CES5A: variants seen among roughly 807,000 people sequenced by gnomAD.
The protein encoded by CES5A is carboxylesterase 5.
CES5A carries 67 observed loss-of-function variants against 62.9 expected under a neutral mutation model. The observed-to-expected ratio is 1.07, with a 90% CI of 0.88 to 1.31. The LOEUF (loss-of-function observed/expected upper bound fraction) is 1.31. Ranked by LOEUF, CES5A falls within the 50% of genes most tolerant of loss-of-function variation. CES5A has a pLI of 0.00. For missense variants in CES5A, 748 were observed against 708.5 expected (o/e 1.06, Z -0.63); for synonymous variants, 296 against 280.8 (o/e 1.05, Z -0.54).
Position 55,852,936 on chromosome 16 carries a change from C to A in CES5A, c.1218G>T (p.Leu406Phe). ...LTEIRDSLLD[L>F]LGDVFFVVPA... Reference sequence around the variant, plus strand: ...GGACCACAAAGAACACATCTCCAAGCAAGTCCAGAAGACTGTCTCGGATTT... The same window carrying A: ...GGACCACAAAGAACACATCTCCAAGAAAGTCCAGAAGACTGTCTCGGATTT... Residue 406 changes from leucine to phenylalanine, a missense_variant, in exon 10 of 13, where the codon TTG becomes TTT. Leu to Phe is a conservative substitution (Grantham distance 22). Transcript: ENST00000290567. 6.2e-7 allele frequency: 1 copy of A among 1,614,142 alleles called. No homozygotes were observed. Among genetic ancestry groups the A allele is most frequent in the Non-Finnish European group, 8.5e-7 (1 of 1,180,006 alleles).
At chr16:55,870,977 C>T (rs1480961172) in intron 3 of CES5A, among the ~76,000 whole-genome samples, 5 of 152,170 alleles carry the variant, frequency 3.3e-5, no homozygotes, top group Admixed American at 6.5e-5. Flanking sequence ...TCCTGTGCCT[C>T]GTCTTCTCCA....
At chr16:55,868,183 A>G (rs1465241844) in intron 4 of CES5A, among the ~76,000 whole-genome samples, 1 of 152,192 alleles carries the variant, frequency 6.6e-6, no homozygotes, top group African/African-American at 2.4e-5. Flanking sequence ...TACGATAAGC[A>G]ATTATTGAAA....
At chr16:55,896,505 GA>G (rs1262118081) in intron 1 of CES5A, among the ~76,000 whole-genome samples, 2 of 152,204 alleles carry the variant, frequency 1.3e-5, no homozygotes, top group Non-Finnish European at 2.9e-5. Flanking sequence ...GCAGAATCAT[GA>G]GCCAAATAAA....
At position 55,866,067 on chromosome 16, in the gene CES5A, C is replaced by T. The variant is rs773366794; in HGVS notation, c.601G>A (p.Ala201Thr). ...PGNWAFKDQV[A>T]ALSWVQKNIE... is the part of the protein sequence containing the mutation. ...TTCTTCTGGACCCAGGACAGAGCAG[C>T]CACCTGGTCCTTGAAGGCCCAGTTC... Residue 201 changes from alanine (A) to threonine (T), a missense_variant, in exon 5 of 13, where the codon GCT (alanine) becomes ACT (threonine). Transcript: ENST00000290567. The T allele has an allele frequency of 1.2e-6, 2 of 1,613,978 alleles. No individual in the cohort carries two copies. The highest frequency in any genetic ancestry group is 3.3e-5 in the Admixed American group (2 of 59,996).
intron 1 of CES5A, among the ~76,000 whole-genome samples, chr16:55,893,939 A>G (rs951270242): frequency 2.6e-5 from 4 of 152,174 alleles, no homozygotes; most frequent in Admixed American, 1.3e-4. Context: ...GTATATTATA[A>G]TAAAATGCTA....
chr16:55,896,823 C>T (rs975052150), intron 1 of CES5A, among the ~76,000 whole-genome samples: 12 of 152,206 alleles, frequency 7.9e-5, no homozygotes, highest in Admixed American at 3.9e-4. Flanking sequence ...TTAAATATCA[C>T]AAAACTGCTT....
chr16:55,864,567 GA>G (rs1283838286), intron 5 of CES5A, among the ~76,000 whole-genome samples: 7 of 151,818 alleles, frequency 4.6e-5, no homozygotes, highest in Middle Eastern at 3.2e-3. Flanking sequence ...ATTATGTCTG[GA>G]AAAAAAATTC....
chr16:55,953,638 C>G (rs1260599165), intron 1 of CES5A, among the ~76,000 whole-genome samples: 2 of 152,040 alleles, frequency 1.3e-5, no homozygotes, highest in South Asian at 2.1e-4. Flanking sequence ...GAAGGGAAAC[C>G]TGGTTGTGAT....
At chr16:55,885,908 G>A (rs73553878) in intron 1 of CES5A, among the ~76,000 whole-genome samples, 1,740 of 152,282 alleles carry the variant, frequency 0.011, 31 homozygotes, top group African/African-American at 0.04. Flanking sequence ...AAGCACATTT[G>A]GTACATTAGA....
chr16:55,943,002 G>A (rs1346550501), intron 2 of CES5A, among the ~76,000 whole-genome samples: 1 of 152,136 alleles, frequency 6.6e-6, no homozygotes, highest in Non-Finnish European at 1.5e-5. Flanking sequence ...GGTTGCCTGC[G>A]GGCTTGGAAG....
In CES5A at chr16:55,863,336, CAG is replaced by C. The variant is rs1388617205; in HGVS notation, c.810+10_810+11del. 14 of 1,340,950 alleles carry C rather than the reference CAG, an allele frequency of 1.0e-5. No individual in the cohort carries two copies. The highest frequency in any genetic ancestry group is 1.4e-5 in the African/African-American group (1 of 69,390). The allele number at this position is 1,340,950 out of a possible 1,614,324, so 83.1% of individuals were successfully genotyped here. ...GGAGAGGAAGGTGGCAAGGTGTTAACAGTATACGTACGTCCTCACTCTTCTCA... is the reference window on the plus strand; with the variant it reads ...GGAGAGGAAGGTGGCAAGGTGTTAACTATACGTACGTCCTCACTCTTCTCA... On this transcript the variant is annotated intron_variant, in intron 6 of 12. Transcript: ENST00000290567.
chr16:55,902,104 A>C (rs12325081), intron 1 of CES5A, among the ~76,000 whole-genome samples: 38,280 of 152,112 alleles, frequency 0.25, 6,270 homozygotes, highest in Non-Finnish European at 0.37. Flanking sequence ...CTTCTGCCGA[A>C]AGCCACCAAA....
chr16:55,850,783 C>G (rs528427779), intron 10 of CES5A, among the ~76,000 whole-genome samples: 62 of 152,218 alleles, frequency 4.1e-4, no homozygotes, highest in African/African-American at 1.3e-3. Flanking sequence ...CTACGTTTAC[C>G]TTTTTGAGGA....
At chr16:55,909,683 A>G (rs986005635) in intron 1 of CES5A, among the ~76,000 whole-genome samples, 1 of 152,160 alleles carries the variant, frequency 6.6e-6, no homozygotes, top group African/African-American at 2.4e-5. Flanking sequence ...GCTAAAGTGA[A>G]TGGCCCACAG....
At chr16:55,862,097 C>T (rs1158144469) in intron 6 of CES5A, among the ~76,000 whole-genome samples, 4 of 152,162 alleles carry the variant, frequency 2.6e-5, no homozygotes, top group African/African-American at 9.7e-5. Flanking sequence ...CCACGATGTC[C>T]TTTCAGGGCA....
intron 5 of CES5A, among the ~76,000 whole-genome samples, chr16:55,863,959 G>A (rs1567329230): frequency 6.6e-6 from 1 of 152,010 alleles, no homozygotes; most frequent in Non-Finnish European, 1.5e-5. Context: ...ATTTCACCAT[G>A]TTGGCCAGGA....
At chr16:55,950,522 G>C (rs1487455242) in intron 1 of CES5A, among the ~76,000 whole-genome samples, 1 of 152,020 alleles carries the variant, frequency 6.6e-6, no homozygotes, top group East Asian at 1.9e-4. Context: ...AAGAGAAAAT[G>C]ACTGAACTGG....
chr16:55,942,468 C>G (rs1391064664), intron 2 of CES5A, among the ~76,000 whole-genome samples: 1 of 152,328 alleles, frequency 6.6e-6, no homozygotes, highest in Non-Finnish European at 1.5e-5. Context: ...TGGTATTTAA[C>G]ATCAATGCAA....
In CES5A at chr16:55,921,064, C is replaced by T. The variant is rs118188069; in HGVS notation, c.-256+4259G>A. Among the ~76,000 whole-genome samples the T allele has an allele frequency of 2.4e-4, 36 of 152,116 alleles. No homozygotes were observed. The East Asian group carries it at 6.9e-3, about 29-fold the overall frequency. On this transcript the variant is annotated intron_variant, in intron 1 of 12. Coordinates refer to the CES5A transcript ENST00000518005. ...GCTTGAAGATAGGCTTTTGAAAATACACACTCAGAGAAGAAAAAAAGAATG... is the reference window on the plus strand; with the variant it reads ...GCTTGAAGATAGGCTTTTGAAAATATACACTCAGAGAAGAAAAAAAGAATG...
Sources: allele counts gnomAD v4.1 joint callset (sites outside exome capture counted in the v4.1 genomes callset), GRCh38; gene constraint gnomAD v4.1.1; transcripts MANE v1.5; gene names NCBI Gene and HGNC (gene_info 2026-07-23, HGNC 2026-07-21).